The following SYNE2 variants were observed in gnomAD, a reference collection of about 807,000 sequenced individuals.
SYNE2 encodes nesprin-2.
Under a neutral mutation model 856.3 loss-of-function variants are expected in SYNE2, and 431 were observed. The ratio of observed to expected loss-of-function variants is 0.50; its 90% confidence interval spans 0.47 to 0.55. The LOEUF (loss-of-function observed/expected upper bound fraction) is 0.55, where lower values mean the gene tolerates loss of function less well. SYNE2 is among the 20% of genes least tolerant of loss of function. The pLI, the probability that SYNE2 is intolerant of heterozygous loss-of-function variation, is 0.00. For missense variants in SYNE2, 8,129 were observed against 8,023.2 expected, an observed-to-expected ratio of 1.01 and a Z score of -0.50; for synonymous variants, 2,923 against 2,872.3, an observed-to-expected ratio of 1.02 and a Z score of -0.56.
At chr14:63,927,821 G>A (rs1411020680) in intron 2 of SYNE2, among the ~76,000 whole-genome samples, 4 of 151,154 alleles carry the variant, frequency 2.6e-5, no homozygotes, top group Non-Finnish European at 4.4e-5. Context: ...GAACCTGGGA[G>A]GCAGAGGTTG....
At position 63,949,953 on chromosome 14, in the gene SYNE2, G is replaced by C; in HGVS notation, c.537G>C (p.Trp179Cys). The C allele has an allele frequency of 6.2e-7, 1 of 1,614,092 alleles. No individual in the cohort carries two copies. ...AATGCTCTAAAGTGCAAGCAAGATGGCAAATGTCTGCAAGAAAGGCCCTTC... is the reference window on the plus strand; with the variant it reads ...AATGCTCTAAAGTGCAAGCAAGATGCCAAATGTCTGCAAGAAAGGCCCTTC... ...AKKCSKVQARWQMSARKALLL... is the reference protein window; with the variant it reads ...AKKCSKVQARCQMSARKALLL... Residue 179 changes from tryptophan (W) to cysteine (C), a missense_variant, in exon 7 of 116, where the codon TGG becomes TGC. Trp to Cys is a radical substitution (Grantham distance 215, BLOSUM62 -2). Transcript: ENST00000555002.
chr14:63,974,892 G>GTGTGTGTGTGTATATATA (rs1375697679), intron 11 of SYNE2, among the ~76,000 whole-genome samples: 2 of 67,322 alleles, frequency 3.0e-5, no homozygotes, highest in Admixed American at 2.4e-4. Context: ...GTGTGTGTGT[G>GTGTGTGTGTGTATATATA]TATATATATA....
At chr14:64,100,530 AAATATAT>A (rs1304926367) in intron 63 of SYNE2, among the ~76,000 whole-genome samples, 6 of 63,872 alleles carry the variant, frequency 9.4e-5, no homozygotes, top group Admixed American at 3.4e-4. Context: ...AAAAAAAAAA[AAATATAT>A]ATATATATAT....
At chr14:63,920,309 C>G (rs566507976) in intron 2 of SYNE2, among the ~76,000 whole-genome samples, 1 of 151,370 alleles carries the variant, frequency 6.6e-6, no homozygotes, top group East Asian at 2.0e-4. Context: ...GGAAGGCTCC[C>G]CAGAGAAAAT....
rs139184868 is a variant in SYNE2 at position 63,842,798 on chromosome 14, G to A, written c.-304-9703G>A. Among the ~76,000 whole-genome samples the A allele has an allele frequency of 3.1e-3, 465 of 152,190 alleles. 6 individuals are homozygous for A. The highest frequency in any genetic ancestry group is 0.02 in the East Asian group (105 of 5,182). ...TTTTGGAGAAAATTGACATCTTTAT[G>A]ATTATATTTGCCTTATCCAAGAACA... On this transcript the variant is annotated intron_variant, in intron 1 of 23. Transcript: ENST00000674003.
At chr14:64,098,193 A>C in intron 62 of SYNE2, 47 bp downstream of exon 62, 1 of 1,595,006 alleles carries the variant, frequency 6.3e-7, no homozygotes, top group African/African-American at 1.3e-5. Flanking sequence ...CCACAAGAGC[A>C]TTAATGGGTA....
intron 111 of SYNE2, among the ~76,000 whole-genome samples, chr14:64,221,295 C>T (rs898725762): frequency 5.9e-5 from 9 of 152,158 alleles, no homozygotes; most frequent in South Asian, 2.1e-4. Flanking sequence ...CTGAGGAATG[C>T]GTGTGGCCTT....
intron 2 of SYNE2, among the ~76,000 whole-genome samples, chr14:63,915,622 G>A (rs150114278): frequency 0.013 from 1,920 of 152,282 alleles, 16 homozygotes; most frequent in Non-Finnish European, 0.021. Flanking sequence ...CCATCTGCAC[G>A]AACCTCTATA....
At chr14:64,106,055 A>AT (rs2097769003) in intron 64 of SYNE2, among the ~76,000 whole-genome samples, 1 of 151,824 alleles carries the variant, frequency 6.6e-6, no homozygotes, top group Admixed American at 6.6e-5. Flanking sequence ...GTCTCAAAAA[A>AT]AAAAAAAAGA....
chr14:63,856,425 T>C lies in SYNE2; in HGVS notation c.-52+3282T>C, dbSNP rs113243588. On this transcript the variant is annotated intron_variant, in intron 1 of 115. Transcript: ENST00000555002. ...AAGACAGTCCCTGTCCTGGTGAAGC[T>C]GTTAGTCTAGTGGGAAGACAAGCTA... is the stretch of plus-strand genomic sequence containing the variant. Among the ~76,000 whole-genome samples the C allele has an allele frequency of 5.7e-3, 863 of 152,302 alleles. 5 individuals carry two copies. Among genetic ancestry groups the C allele is most frequent in the African/African-American group, 0.019 (797 of 41,568 alleles).
At chr14:63,795,274 G>A (rs976098088) in intron 1 of SYNE2, among the ~76,000 whole-genome samples, 2 of 151,974 alleles carry the variant, frequency 1.3e-5, no homozygotes, top group Admixed American at 6.6e-5. Context: ...AGCTGCCAGC[G>A]TGGATAGAAT....
chr14:64,121,135 G>A, intron 68 of SYNE2, 74 bp downstream of exon 68: 1 of 1,595,342 alleles, frequency 6.3e-7, no homozygotes, highest in Middle Eastern at 1.7e-4. Context: ...CAAACCTACA[G>A]TCCTAGCTAC....
intron 1 of SYNE2, among the ~76,000 whole-genome samples, chr14:63,778,194 G>A (rs1020061260): frequency 1.3e-5 from 2 of 152,114 alleles, no homozygotes; most frequent in African/African-American, 4.8e-5. Context: ...GAGATCTGGT[G>A]GGTTTATAAG....
Position 64,225,358 on chromosome 14 carries a change from A to G in SYNE2, c.20556A>G (p.Ser6852=), listed in dbSNP as rs1425709809. The part of the protein sequence containing the change: ...GSTRPQRSFL[S]RVVRAALPLQ... ...CACGGCCACAGCGCTCCTTCCTCTC[A>G]AGGGTGGTCCGGGCAGCCCTACCCC... The change falls in exon 116 of 116, where the codon TCA becomes TCG. Residue 6852 remains serine (S), a synonymous_variant. Coordinates refer to ENST00000555002, the MANE Select transcript of SYNE2 (RefSeq NM_182914.3). 6 of 1,613,910 alleles carry G rather than the reference A, an allele frequency of 3.7e-6. No individual in the cohort carries two copies. Among genetic ancestry groups the G allele is most frequent in the Non-Finnish European group, 5.1e-6 (6 of 1,179,870 alleles).
intron 1 of SYNE2, among the ~76,000 whole-genome samples, chr14:63,762,780 T>C (rs1160817342): frequency 6.6e-6 from 1 of 151,816 alleles, no homozygotes; most frequent in East Asian, 1.9e-4. Context: ...AACTATTTAG[T>C]GGTGAAATGT....
chr14:64,158,857 A>G (rs2098306917), intron 86 of SYNE2, 62 bp downstream of exon 86: 2 of 1,560,452 alleles, frequency 1.3e-6, no homozygotes, highest in Admixed American at 1.7e-5. Flanking sequence ...GGGAGGAAGC[A>G]CAGTAACGGG....
intron 1 of SYNE2, among the ~76,000 whole-genome samples, chr14:63,815,208 ATATATAT>A (rs1330939156): frequency 7.7e-6 from 1 of 130,574 alleles, no homozygotes; most frequent in Non-Finnish European, 1.6e-5. Context: ...ATATATCCAT[ATATATAT>A]CCATATATAT....
intron 99 of SYNE2, among the ~76,000 whole-genome samples, chr14:64,193,510 A>G (rs1202778412): frequency 6.6e-6 from 1 of 151,970 alleles, no homozygotes; most frequent in Non-Finnish European, 1.5e-5. Flanking sequence ...TGATCACACC[A>G]CTGCTCTCCA....
At chr14:64,192,510 A>G (rs2098523147) in intron 99 of SYNE2, among the ~76,000 whole-genome samples, 1 of 152,202 alleles carries the variant, frequency 6.6e-6, no homozygotes, top group Non-Finnish European at 1.5e-5. Flanking sequence ...GAAAGAGATA[A>G]AACAGTGGGT....
Sources: allele counts gnomAD v4.1 joint callset (sites outside exome capture counted in the v4.1 genomes callset), GRCh38; gene constraint gnomAD v4.1.1; transcripts MANE v1.5; gene names NCBI Gene and HGNC (gene_info 2026-07-23, HGNC 2026-07-21).